Variants in SHTN1 observed in about 807,000 individuals in gnomAD.
SHTN1 encodes the protein shootin-1.
Under a neutral mutation model 83.1 loss-of-function variants are expected in SHTN1, and 42 were observed. The observed-to-expected ratio is 0.51, with a 90% CI of 0.39 to 0.65. SHTN1 has a LOEUF of 0.65. Ranked by LOEUF, SHTN1 falls within the 30% of genes least tolerant of loss-of-function variation. The probability of loss-of-function intolerance (pLI) is 0.00; values close to 1 mark genes in which losing one functional copy is unlikely to be tolerated. For synonymous variants in SHTN1, 224 were observed against 247.7 expected (o/e 0.90, Z 0.90); for missense variants, 622 against 737.8 (o/e 0.84, Z 1.82).
chr10:116,961,866 G>A lies in SHTN1; in HGVS notation c.173-1636C>T, dbSNP rs557058396. ...AGTGATTATAACTGTGGAGACAGAC[G>A]GCATAATGGTATCAGCACTGCTGAC... is the stretch of plus-strand genomic sequence containing the variant. On this transcript the variant is annotated intron_variant, in intron 3 of 16. Coordinates refer to ENST00000355371, the MANE Select transcript of SHTN1 (RefSeq NM_001127211.3). Among the ~76,000 whole-genome samples the A allele has an allele frequency of 5.9e-5, 9 of 152,244 alleles. No homozygotes were observed. In the South Asian group the frequency reaches 1.7e-3, roughly 28 times the overall value.
intron 1 of SHTN1, among the ~76,000 whole-genome samples, chr10:116,988,305 AATAC>A (rs1342329018): frequency 6.6e-6 from 1 of 151,028 alleles, no homozygotes; most frequent in Middle Eastern, 3.4e-3. Context: ...TTAAAAAGCT[AATAC>A]ACACACACAC....
chr10:117,043,130 T>TATTTA (rs1055196354), intron 2 of SHTN1, among the ~76,000 whole-genome samples: 1 of 150,012 alleles, frequency 6.7e-6, no homozygotes, highest in Admixed American at 6.7e-5. Context: ...TATATTTATT[T>TATTTA]ATTTATTTAT....
chr10:117,040,083 A>G (rs1852562237), intron 2 of SHTN1, among the ~76,000 whole-genome samples: 1 of 152,180 alleles, frequency 6.6e-6, no homozygotes, highest in Non-Finnish European at 1.5e-5. Flanking sequence ...GATGTGGAAG[A>G]CAGTATTGTT....
intron 1 of SHTN1, among the ~76,000 whole-genome samples, chr10:117,068,822 G>A (rs1853041007): frequency 6.6e-6 from 1 of 152,192 alleles, no homozygotes; most frequent in African/African-American, 2.4e-5. Context: ...GACACAAAAT[G>A]TGTAAAGTGC....
In SHTN1 at chr10:116,979,306, T is replaced by C. The variant is rs779365654; in HGVS notation, c.61A>G (p.Ile21Val). 10 of 1,613,550 alleles carry C rather than the reference T, an allele frequency of 6.2e-6. No individual in the cohort carries two copies. Among genetic ancestry groups the C allele is most frequent in the Admixed American group, 3.3e-5 (2 of 60,022 alleles). Residue 21 changes from isoleucine (I) to valine (V), a missense_variant and splice_region_variant, in exon 2 of 17, where the codon ATA becomes GTA. Around this residue, in one of 3 missense-constraint regions of SHTN1, gnomAD observed 383 missense variants for 455.8 expected, o/e 0.84. Coordinates refer to ENST00000355371, the MANE Select transcript of SHTN1 (RefSeq NM_001127211.3). The stretch of plus-strand genomic sequence containing the variant: ...GCTCTAAGGTCTTCATATTCGCCTA[T>C]TGCTAAAAGAAAAAAGGAAAGCAAC... ...QLITSLKEQA[I>V]GEYEDLRAEN...
At chr10:116,960,484 CTATT>C (rs548812291) in intron 3 of SHTN1, among the ~76,000 whole-genome samples, 77 of 152,188 alleles carry the variant, frequency 5.1e-4, no homozygotes, top group African/African-American at 1.7e-3. Flanking sequence ...TTTAAGAGCG[CTATT>C]TAGATTTTTT....
At position 116,908,900 on chromosome 10, in the gene SHTN1, G is replaced by A. The variant is rs570521529; in HGVS notation, c.1360-2153C>T. On this transcript the variant is annotated intron_variant, in intron 14 of 16. Coordinates refer to ENST00000355371, the MANE Select transcript of SHTN1 (RefSeq NM_001127211.3). ...CTTCTTTCTCCATTTACTGATGGAT[G>A]TGGTGGCTTCAGCTAACATATGAGT... Among the ~76,000 whole-genome samples the A allele has an allele frequency of 2.6e-5, 4 of 152,288 alleles. No individual in the cohort carries two copies. The East Asian group carries it at 5.8e-4, about 22-fold the overall frequency.
rs1203696791 is a variant in SHTN1, at chr10:116,881,709, T to A, written c.*4635A>T. 1 of 1,393,248 alleles carries A rather than the reference T, an allele frequency of 7.2e-7. No homozygotes were observed. The highest frequency in any genetic ancestry group is 1.5e-5 in the African/African-American group (1 of 67,734). The allele number at this position is 1,393,248 out of a possible 1,614,324, so 86.3% of individuals were successfully genotyped here. A position where few individuals can be genotyped will look rare whatever the true frequency, so the allele number is the denominator to read the frequency against. Reference sequence around the variant, plus strand: ...CAGGTTCCAGCCACACCATCAGTATTAGTAGACCGGGAGGTCTGAAGTACG... The same window carrying A: ...CAGGTTCCAGCCACACCATCAGTATAAGTAGACCGGGAGGTCTGAAGTACG... On this transcript the variant is annotated 3_prime_UTR_variant, in exon 17 of 17. Coordinates refer to ENST00000355371, the MANE Select transcript of SHTN1 (RefSeq NM_001127211.3).
intron 14 of SHTN1, 55 bp downstream of exon 14, chr10:116,911,735 A>G: frequency 6.3e-7 from 1 of 1,576,192 alleles, no homozygotes. Flanking sequence ...AGATTTTAAA[A>G]TACTCTCCTT....
rs1042236982 is a variant in SHTN1, at chr10:116,954,074, C to G, written c.404G>C (p.Cys135Ser). The change falls in exon 5 of 17, where the codon TGT becomes TCT. Residue 135 changes from cysteine (C) to serine (S), a missense_variant. Cys to Ser is a moderately radical substitution (Grantham distance 112). This residue lies in a region of SHTN1 where 383 missense variants were observed against 455.8 expected (regional missense o/e 0.84). Transcript: ENST00000355371. Reference sequence around the variant, plus strand: ...TTGCTTCTGACACTGTACTGAGACACAAGTCTCGGCGGCACCGTCTGTGTC... The same window carrying G: ...TTGCTTCTGACACTGTACTGAGACAGAAGTCTCGGCGGCACCGTCTGTGTC... ...TTDTDGAAET[C>S]VSVQCQKQIK... 1 of 1,612,572 alleles carries G rather than the reference C, an allele frequency of 6.2e-7. No individual in the cohort carries two copies. Among genetic ancestry groups the G allele is most frequent in the Non-Finnish European group, 8.5e-7 (1 of 1,179,650 alleles).
chr10:116,886,322 T>C lies in SHTN1; in HGVS notation c.*22A>G, dbSNP rs1357625567. On this transcript the variant is annotated 3_prime_UTR_variant, in exon 17 of 17. Transcript: ENST00000355371. ...GCTTATTGAAAAGGACTTCCAAACA[T>C]GTCAGGCTTCTGGTTTATGGATCAG... 35 of 1,552,074 alleles carry C rather than the reference T, an allele frequency of 2.3e-5. No individual in the cohort carries two copies. Among genetic ancestry groups the C allele is most frequent in the Non-Finnish European group, 3.0e-5 (34 of 1,147,066 alleles).
At chr10:117,067,623 T>C (rs951924283) in intron 1 of SHTN1, among the ~76,000 whole-genome samples, 2 of 151,990 alleles carry the variant, frequency 1.3e-5, no homozygotes, top group African/African-American at 4.8e-5. Flanking sequence ...AAAAAAAATT[T>C]TAAAATCAAT....
chr10:117,100,006 C>T (rs967459234), intron 1 of SHTN1, among the ~76,000 whole-genome samples: 1 of 151,656 alleles, frequency 6.6e-6, no homozygotes, highest in African/African-American at 2.4e-5. Flanking sequence ...GGAGAAACCC[C>T]GTCTCTACTA....
At chr10:117,040,667 G>T (rs758646086) in intron 2 of SHTN1, among the ~76,000 whole-genome samples, 1 of 152,090 alleles carries the variant, frequency 6.6e-6, no homozygotes, top group African/African-American at 2.4e-5. Flanking sequence ...GAATGCATAC[G>T]CTTTAGGGCA....
chr10:117,025,627 T>A, intron 2 of SHTN1, among the ~76,000 whole-genome samples: 1 of 151,942 alleles, frequency 6.6e-6, no homozygotes, highest in Non-Finnish European at 1.5e-5. Flanking sequence ...AGGCTGCACA[T>A]CTCAAGGCTC....
chr10:116,951,873 G>T, intron 6 of SHTN1, 36 bp downstream of exon 6: 2 of 1,222,146 alleles, frequency 1.6e-6, no homozygotes, highest in Middle Eastern at 1.9e-4. Context: ...CCTTGAAAAT[G>T]CTAAAGCCCT....
intron 2 of SHTN1, among the ~76,000 whole-genome samples, chr10:116,977,777 G>A (rs982311384): frequency 6.6e-6 from 1 of 151,898 alleles, no homozygotes; most frequent in Admixed American, 6.6e-5. Context: ...AGGGCTCCAG[G>A]AATCCTCCTG....
intron 1 of SHTN1, among the ~76,000 whole-genome samples, chr10:117,104,149 A>AT (rs544768927): frequency 1.7e-4 from 25 of 150,592 alleles, no homozygotes; most frequent in Non-Finnish European, 2.7e-4. Flanking sequence ...TTTTTACCTC[A>AT]TTTTTTTTTA....
intron 1 of SHTN1, among the ~76,000 whole-genome samples, chr10:117,100,112 G>A (rs908299419): frequency 3.3e-5 from 5 of 152,142 alleles, no homozygotes; most frequent in Admixed American, 2.0e-4. Flanking sequence ...TGGAGGTGGA[G>A]GTTGCGGTGA....
Sources: allele counts gnomAD v4.1 joint callset (sites outside exome capture counted in the v4.1 genomes callset), GRCh38; gene constraint gnomAD v4.1.1; regional missense constraint gnomAD v4.1.1; transcripts MANE v1.5; gene names NCBI Gene and HGNC (gene_info 2026-07-23, HGNC 2026-07-21).